ZNF565: variants seen among roughly 807,000 people sequenced by gnomAD.
The protein encoded by ZNF565 is zinc finger protein 565.
In ZNF565, 27 loss-of-function variants were observed where a neutral mutation model predicts 39.4. The ratio of observed to expected loss-of-function variants is 0.69; its 90% CI spans 0.51 to 0.95. The LOEUF is 0.95. Among genes scored for constraint, ZNF565 ranks in the 40% least tolerant of loss-of-function variants. ZNF565 has a pLI of 0.00. For synonymous variants in ZNF565, 185 were observed against 216.6 expected (o/e 0.85, Z 1.28); for missense variants, 524 against 621.1 (o/e 0.84, Z 1.66).
chr19:36,204,865 C>T (rs867957738), intron 1 of ZNF565, among the ~76,000 whole-genome samples: 6 of 151,756 alleles, frequency 4.0e-5, no homozygotes, highest in Non-Finnish European at 7.4e-5. Flanking sequence ...TGGTGCGTGC[C>T]GGTATCCAGC....
At chr19:36,232,672 G>A (rs1334451089) in intron 1 of ZNF565, among the ~76,000 whole-genome samples, 6 of 149,098 alleles carry the variant, frequency 4.0e-5, no homozygotes, top group Non-Finnish European at 8.9e-5. Flanking sequence ...GCAGTGGTGC[G>A]ATCTGGGCTC....
intron 1 of ZNF565, among the ~76,000 whole-genome samples, chr19:36,227,587 C>T (rs1246970772): frequency 6.6e-6 from 1 of 151,912 alleles, no homozygotes; most frequent in African/African-American, 2.4e-5. Flanking sequence ...ACCTGTATTC[C>T]AGGTTGTTGC....
intron 4 of ZNF565, 78 bp downstream of exon 4, chr19:36,194,155 T>C: frequency 8.1e-7 from 1 of 1,240,514 alleles, no homozygotes; most frequent in South Asian, 1.4e-5. Context: ...TTGAGGGAAC[T>C]TCCCACAGTA....
intron 4 of ZNF565, among the ~76,000 whole-genome samples, chr19:36,189,306 A>G (rs1345217407): frequency 6.7e-6 from 1 of 149,818 alleles, no homozygotes; most frequent in Non-Finnish European, 1.5e-5. Context: ...TAAATAAATA[A>G]ATATTATGTA....
At chr19:36,210,790 GA>G (rs969178929) in intron 1 of ZNF565, among the ~76,000 whole-genome samples, 2 of 151,132 alleles carry the variant, frequency 1.3e-5, no homozygotes, top group African/African-American at 4.9e-5. Context: ...ACACCTGGCT[GA>G]AAAAAAATCA....
chr19:36,220,252 T>C (rs1047884562), intron 1 of ZNF565, among the ~76,000 whole-genome samples: 2 of 152,212 alleles, frequency 1.3e-5, no homozygotes, highest in Admixed American at 1.3e-4. Context: ...ATTTAAAAAA[T>C]ACATTTTTAA....
intron 2 of ZNF565, among the ~76,000 whole-genome samples, chr19:36,201,289 G>A (rs759526714): frequency 2.6e-5 from 4 of 152,064 alleles, no homozygotes; most frequent in Non-Finnish European, 5.9e-5. Flanking sequence ...GTGACAGAGC[G>A]AGACCCTGTC....
At chr19:36,215,334 T>C (rs2145379798), upstream of ZNF565, 1 of 152,390 alleles carries the variant, frequency 6.6e-6, no homozygotes, top group South Asian at 2.1e-4. Context: ...TGGGGGCCTC[T>C]GAGGCGGGTT....
At chr19:36,200,492 ATT>A (rs763018660) in intron 2 of ZNF565, among the ~76,000 whole-genome samples, 4 of 143,936 alleles carry the variant, frequency 2.8e-5, no homozygotes, top group Non-Finnish European at 4.6e-5. Flanking sequence ...AGAAAGTTGG[ATT>A]TTTTTTTTTT....
intron 4 of ZNF565, among the ~76,000 whole-genome samples, chr19:36,188,944 T>G (rs1385906316): frequency 4.6e-5 from 7 of 152,250 alleles, no homozygotes; most frequent in African/African-American, 1.7e-4. Context: ...GGCCACATAC[T>G]GGATGATTTA....
At chr19:36,237,921 T>C (rs1977704728) in intron 1 of ZNF565, 2 of 166,888 alleles carry the variant, frequency 1.2e-5, no homozygotes, top group Admixed American at 1.3e-4. Flanking sequence ...AACAGAAATA[T>C]GGAAAAGCTA....
At chr19:36,226,944 A>G (rs1977092573) in intron 1 of ZNF565, among the ~76,000 whole-genome samples, 1 of 152,074 alleles carries the variant, frequency 6.6e-6, no homozygotes, top group Non-Finnish European at 1.5e-5. Context: ...TTAGTGGGGC[A>G]TGGTGGCGCA....
chr19:36,234,786 AT>A (rs1414366507), intron 1 of ZNF565, among the ~76,000 whole-genome samples: 1 of 152,190 alleles, frequency 6.6e-6, no homozygotes, highest in Admixed American at 6.5e-5. Flanking sequence ...ATAGCAGCTC[AT>A]TCCTGTCATC....
intron 1 of ZNF565, among the ~76,000 whole-genome samples, chr19:36,221,736 G>A (rs539935005): frequency 2.7e-5 from 4 of 150,110 alleles, no homozygotes; most frequent in Admixed American, 6.7e-5. Context: ...AACATGTCTT[G>A]TTTTTTTTTG....
chr19:36,201,799 A>G (rs1383480251), intron 2 of ZNF565, among the ~76,000 whole-genome samples, 178 bp downstream of exon 2: 4 of 152,108 alleles, frequency 2.6e-5, no homozygotes, highest in Non-Finnish European at 4.4e-5. Context: ...AGGACTACAG[A>G]CACGTGGACA....
chr19:36,229,061 C>T (rs549341382), intron 1 of ZNF565, among the ~76,000 whole-genome samples: 57 of 152,338 alleles, frequency 3.7e-4, no homozygotes, highest in African/African-American at 1.3e-3. Flanking sequence ...CTTCCTGCTT[C>T]GTCTGTGCCG....
chr19:36,213,431 G>A (rs1033560606), intron 1 of ZNF565: 1 of 152,490 alleles, frequency 6.6e-6, no homozygotes, highest in Non-Finnish European at 1.5e-5. Flanking sequence ...TGTCCCCCAG[G>A]CTGGAGTGCG....
intron 2 of ZNF565, among the ~76,000 whole-genome samples, chr19:36,196,022 T>C (rs1042815038): frequency 3.3e-5 from 5 of 151,544 alleles, no homozygotes; most frequent in African/African-American, 1.2e-4. Flanking sequence ...CTGCAACCTC[T>C]TCCTCCTGGG....
chr19:36,220,395 T>C (rs112092196), intron 1 of ZNF565, among the ~76,000 whole-genome samples: 16,958 of 137,442 alleles, frequency 0.12, 1,871 homozygotes, highest in Non-Finnish European at 0.17. Flanking sequence ...GACGGAGTCT[T>C]GCTCTGTCGC....
Sources: allele counts gnomAD v4.1 joint callset (sites outside exome capture counted in the v4.1 genomes callset), GRCh38; gene constraint gnomAD v4.1.1; transcripts MANE v1.5; gene names NCBI Gene and HGNC (gene_info 2026-07-23, HGNC 2026-07-21).